Variants in CEP164 observed in about 807,000 individuals in gnomAD.
CEP164 encodes centrosomal protein of 164 kDa.
CEP164 carries 162 observed loss-of-function variants against 182.7 expected under a neutral mutation model. That is an observed-to-expected ratio of 0.89 (90% confidence interval 0.78 to 1.01). The LOEUF (loss-of-function observed/expected upper bound fraction) is 1.01, where lower values mean the gene tolerates loss of function less well. Ranked by LOEUF, CEP164 falls within the 50% of genes least tolerant of loss-of-function variation. CEP164 has a pLI of 0.00. For synonymous variants in CEP164, 661 were observed against 690.0 expected (o/e 0.96, Z 0.66); for missense variants, 1,735 against 1,790.4 (o/e 0.97, Z 0.56).
rs1428931526 is a variant in CEP164, at chr11:117,410,815, C to T, written c.4097-13C>T. The T allele has an allele frequency of 3.7e-6, 6 of 1,611,170 alleles. No homozygotes were observed. Among genetic ancestry groups the T allele is most frequent in the Non-Finnish European group, 5.1e-6 (6 of 1,178,268 alleles). On this transcript the variant is annotated splice_polypyrimidine_tract_variant and intron_variant, in intron 30 of 32. Transcript: ENST00000278935. ...ACTGCCCATTTCTGAGTCCTGTCCC[C>T]ATGCTCTTCCAGCTGGCATCCCGCT...
chr11:117,396,007 C>G (rs374929426), intron 24 of CEP164, 47 bp from the exon 25 acceptor site: 29 of 1,611,680 alleles, frequency 1.8e-5, no homozygotes, highest in Admixed American at 1.2e-4. Flanking sequence ...CCCCTCCCCC[C>G]CATCGCCAGC....
In CEP164 at chr11:117,367,395, G is replaced by A. The variant is rs371248624; in HGVS notation, c.766-3685G>A. Reference sequence around the variant, plus strand: ...CCCACGTTTTACTGTTTTAGGTAAGGCAGACTAGCATGAGCCCATCATGTG... The same window carrying A: ...CCCACGTTTTACTGTTTTAGGTAAGACAGACTAGCATGAGCCCATCATGTG... On this transcript the variant is annotated intron_variant, in intron 8 of 32. Transcript: ENST00000278935. 2.4e-3 allele frequency among the ~76,000 whole-genome samples: 368 copies of A among 152,326 alleles called. 3 individuals are homozygous for A. The highest frequency in any genetic ancestry group is 8.4e-3 in the African/African-American group (351 of 41,568).
In CEP164 at chr11:117,336,166, TG is replaced by T. The variant is rs1350968198; in HGVS notation, c.-22+488del. 3.2e-6 allele frequency: 5 copies of T among 1,579,182 alleles called. No individual in the cohort carries two copies. The East Asian group carries it at 1.2e-4, about 37-fold the overall frequency. On this transcript the variant is annotated intron_variant, in intron 2 of 32. Transcript: ENST00000278935. The stretch of plus-strand genomic sequence containing the variant: ...CTGAAGCTTGATGGGAGAGCAGAAC[TG>T]GTGAGACTTGAGGGAAGGGTCCAGG...
intron 27 of CEP164, among the ~76,000 whole-genome samples, chr11:117,404,052 C>T (rs981492930): frequency 6.6e-6 from 1 of 152,058 alleles, no homozygotes; most frequent in African/African-American, 2.4e-5. Flanking sequence ...AGCAATTCCT[C>T]TAACCTTTTT....
chr11:117,376,106 C>T (rs1030084099), intron 11 of CEP164, among the ~76,000 whole-genome samples: 1 of 152,124 alleles, frequency 6.6e-6, no homozygotes, highest in African/African-American at 2.4e-5. Context: ...CCATCCTGGC[C>T]CATTCATCCT....
At chr11:117,341,569 A>C (rs987031550) in intron 3 of CEP164, among the ~76,000 whole-genome samples, 1 of 151,814 alleles carries the variant, frequency 6.6e-6, no homozygotes, top group African/African-American at 2.4e-5. Context: ...TCAGCCTCCC[A>C]AGTAGCTGGG....
At chr11:117,410,108 C>A (rs2047176640) in intron 30 of CEP164, 143 bp downstream of exon 30, 1 of 816,916 alleles carries the variant, frequency 1.2e-6, no homozygotes, top group Non-Finnish European at 2.1e-6. Context: ...CCCAACGTTA[C>A]CATAGTCCAT....
At chr11:117,348,406 G>T (rs2039226655) in intron 4 of CEP164, among the ~76,000 whole-genome samples, 1 of 152,116 alleles carries the variant, frequency 6.6e-6, no homozygotes, top group Admixed American at 6.5e-5. Flanking sequence ...TTGATCTTTT[G>T]TGATTTACCT....
chr11:117,394,640 T>C lies in CEP164; in HGVS notation c.2760+147T>C. 5.2e-6 allele frequency: 6 copies of C among 1,162,162 alleles called. No individual in the cohort carries two copies. In the South Asian group the frequency reaches 9.4e-5, roughly 18 times the overall value. 72.0% of individuals were successfully genotyped at this position (1,162,162 alleles called of 1,614,324 possible). A position where few individuals can be genotyped will look rare whatever the true frequency, so the allele number is the denominator to read the frequency against. On this transcript the variant is annotated intron_variant, in intron 21 of 32. Coordinates refer to ENST00000278935, the MANE Select transcript of CEP164 (RefSeq NM_014956.5). This position sits in a 1 kb window ranked among gnomAD's most constrained non-coding sequence, Gnocchi z 4.0. ...CACTGGCCATCTCCAAGCTGGGGCA[T>C]CCTTGTTACTTTGTTTTCTGGGCCA... is the stretch of plus-strand genomic sequence containing the variant.
intron 18 of CEP164, 65 bp from the exon 19 acceptor site, chr11:117,392,431 C>A (rs2044782543): frequency 2.5e-6 from 4 of 1,581,338 alleles, no homozygotes; most frequent in South Asian, 2.3e-5. Flanking sequence ...GAACACATCC[C>A]CACACAGCAG....
At chr11:117,396,247 G>A (rs1221615602) in intron 25 of CEP164, 67 bp downstream of exon 25, 3 of 1,547,572 alleles carry the variant, frequency 1.9e-6, no homozygotes, top group Admixed American at 1.7e-5. Context: ...GAGGGGCTGG[G>A]CATCAGGGGA....
chr11:117,339,412 T>G (rs1223794295), intron 3 of CEP164, among the ~76,000 whole-genome samples: 2 of 152,182 alleles, frequency 1.3e-5, no homozygotes, highest in African/African-American at 2.4e-5. Context: ...CAGTGTTTTT[T>G]TAAACAACAA....
At chr11:117,408,756 G>A (rs566463346) in intron 28 of CEP164, 134 bp from the exon 29 acceptor site, 71 of 1,159,234 alleles carry the variant, frequency 6.1e-5, no homozygotes, top group South Asian at 2.5e-4. Flanking sequence ...ATGGATTTGC[G>A]TAAGAAAACC....
At chr11:117,324,784 C>T (rs2035370207), upstream of CEP164, among the ~76,000 whole-genome samples, 1 of 152,072 alleles carries the variant, frequency 6.6e-6, no homozygotes, top group African/African-American at 2.4e-5. Context: ...GGTGGATCAC[C>T]TGAGGTCAGG....
Position 117,381,690 on chromosome 11 carries a change from G to A in CEP164, c.1410-11G>A, listed in dbSNP as rs537713728. The A allele has an allele frequency of 3.7e-5, 59 of 1,604,122 alleles. No individual in the cohort carries two copies. The South Asian group carries it at 4.3e-4, about 12-fold the overall frequency. On this transcript the variant is annotated splice_polypyrimidine_tract_variant and intron_variant, in intron 12 of 32. Coordinates refer to ENST00000278935, the MANE Select transcript of CEP164 (RefSeq NM_014956.5). ...GGGGCCTGACTCTGCTGCTCTGCCCGGCCTGACCAGGTTATCTCCTCCACT... is the reference window on the plus strand; with the variant it reads ...GGGGCCTGACTCTGCTGCTCTGCCCAGCCTGACCAGGTTATCTCCTCCACT...
chr11:117,381,419 G>A (rs79879928), intron 12 of CEP164, among the ~76,000 whole-genome samples: 2,433 of 152,224 alleles, frequency 0.016, 25 homozygotes, highest in Middle Eastern at 0.027. Flanking sequence ...ATACTTGTGA[G>A]TGTGTCCTGC....
chr11:117,349,481 A>G (rs917591781), intron 4 of CEP164, among the ~76,000 whole-genome samples: 6 of 152,022 alleles, frequency 3.9e-5, no homozygotes, highest in Non-Finnish European at 7.4e-5. Context: ...TCTATTTTAA[A>G]TTAAATTAAA....
chr11:117,387,073 C>A, intron 14 of CEP164, 130 bp from the exon 15 acceptor site: 3 of 802,810 alleles, frequency 3.7e-6, no homozygotes, highest in South Asian at 1.6e-5. Context: ...CCTTGGGTGA[C>A]CTCTTTGACT....
intron 6 of CEP164, 148 bp from the exon 7 acceptor site, chr11:117,362,256 A>G: frequency 1.2e-6 from 1 of 865,780 alleles, no homozygotes; most frequent in South Asian, 1.9e-5. Context: ...GGAGTCATTG[A>G]TGTGAGCTGC....
Sources: gnomAD v4.1 joint callset for allele counts (sites outside exome capture counted in the v4.1 genomes callset) on GRCh38, gnomAD v4.1.1 for gene constraint, Gnocchi (gnomAD v3.1) non-coding constraint, MANE v1.5 for transcripts, NCBI Gene and HGNC (gene_info 2026-07-23, HGNC 2026-07-21) for gene names.